Variants in LDLRAD3 observed in about 807,000 individuals in gnomAD.
LDLRAD3 encodes low density lipoprotein receptor class A domain containing 3.
In LDLRAD3, 20 loss-of-function variants were observed where a neutral mutation model predicts 29.4. The ratio of observed to expected loss-of-function variants is 0.68; its 90% confidence interval spans 0.48 to 0.99. LDLRAD3 has a LOEUF of 0.99. Ranked by LOEUF, LDLRAD3 falls within the 50% of genes least tolerant of loss-of-function variation. The probability of loss-of-function intolerance (pLI) is 0.00; values close to 1 mark genes in which losing one functional copy is unlikely to be tolerated. For synonymous variants in LDLRAD3, 157 were observed against 192.7 expected (o/e 0.81, Z 1.53); for missense variants, 420 against 454.3 (o/e 0.92, Z 0.69).
chr11:36,180,437 G>GTA (rs1854742504), intron 4 of LDLRAD3, among the ~76,000 whole-genome samples: 1 of 152,160 alleles, frequency 6.6e-6, no homozygotes, highest in Non-Finnish European at 1.5e-5. Flanking sequence ...CTTCATGGAC[G>GTA]TATAGTCTAG....
chr11:36,230,115 TAGGC>T lies in LDLRAD3; in HGVS notation c.*722_*725del, dbSNP rs1855556261. On this transcript the variant is annotated 3_prime_UTR_variant, in exon 6 of 6. Coordinates refer to ENST00000315571, the MANE Select transcript of LDLRAD3 (RefSeq NM_174902.4). ...ATATATCATCAGCCTCATCCTAAAA[TAGGC>T]AGGGAGCCCCTCCCATGAGTTTATC... 6.6e-6 allele frequency: 1 copy of T among 152,230 alleles called. No homozygotes were observed. The highest frequency in any genetic ancestry group is 2.4e-5 in the African/African-American group (1 of 41,434). 9.4% of individuals were successfully genotyped at this position (152,230 alleles called of 1,614,324 possible).
At chr11:36,088,891 T>G (rs1351430005) in intron 3 of LDLRAD3, among the ~76,000 whole-genome samples, 1 of 152,188 alleles carries the variant, frequency 6.6e-6, no homozygotes, top group African/African-American at 2.4e-5. Context: ...CAGAGAGGCC[T>G]TCCATGACCA....
chr11:36,083,366 C>T (rs1044526128), intron 3 of LDLRAD3, among the ~76,000 whole-genome samples: 2 of 152,050 alleles, frequency 1.3e-5, no homozygotes, highest in Non-Finnish European at 2.9e-5. Context: ...TTTTTCTTCT[C>T]ATTATTGTAA....
intron 1 of LDLRAD3, among the ~76,000 whole-genome samples, chr11:36,007,611 G>A (rs1417390074): frequency 6.6e-6 from 1 of 152,228 alleles, no homozygotes; most frequent in African/African-American, 2.4e-5. Context: ...GTCCTCCTCA[G>A]CCAGCACTCT....
intron 4 of LDLRAD3, among the ~76,000 whole-genome samples, chr11:36,210,397 C>T (rs970504130): frequency 2.0e-5 from 3 of 152,114 alleles, no homozygotes; most frequent in African/African-American, 7.2e-5. Context: ...AAATGCTTGT[C>T]TGAGCTCTCC....
intron 2 of LDLRAD3, among the ~76,000 whole-genome samples, chr11:36,067,712 C>G (rs1228483362): frequency 1.3e-5 from 2 of 152,166 alleles, no homozygotes; most frequent in Non-Finnish European, 2.9e-5. Flanking sequence ...GCTCTGTCAC[C>G]CACGCTAGAG....
chr11:36,065,801 G>T (rs1338300974), intron 2 of LDLRAD3, among the ~76,000 whole-genome samples: 1 of 152,164 alleles, frequency 6.6e-6, no homozygotes, highest in African/African-American at 2.4e-5. Flanking sequence ...CTTTGCAGGT[G>T]TTTTGAGACA....
Position 36,019,570 on chromosome 11 carries a change from C to T in LDLRAD3, c.47-16533C>T, listed in dbSNP as rs891349968. 4.6e-5 allele frequency among the ~76,000 whole-genome samples: 7 copies of T among 152,104 alleles called. No individual in the cohort carries two copies. The South Asian group carries it at 8.3e-4, about 18-fold the overall frequency. On this transcript the variant is annotated intron_variant, in intron 1 of 5. Transcript: ENST00000315571. Reference sequence around the variant, plus strand: ...GCCTGGGTCCCAGCACTTCAGTGGCCGTTGATAACAGAGGCAAGCTTTCGA... The same window carrying T: ...GCCTGGGTCCCAGCACTTCAGTGGCTGTTGATAACAGAGGCAAGCTTTCGA...
At chr11:36,205,377 C>T (rs1485415273) in intron 4 of LDLRAD3, among the ~76,000 whole-genome samples, 2 of 152,168 alleles carry the variant, frequency 1.3e-5, no homozygotes, top group Non-Finnish European at 2.9e-5. Context: ...AGGAGTAGGA[C>T]AGTCACCGGC....
chr11:35,995,725 T>A (rs1272501325), intron 1 of LDLRAD3, among the ~76,000 whole-genome samples: 1 of 152,258 alleles, frequency 6.6e-6, no homozygotes, highest in Non-Finnish European at 1.5e-5. Context: ...ATCTTAGCTA[T>A]CTAGATCTTT....
intron 2 of LDLRAD3, among the ~76,000 whole-genome samples, chr11:36,063,479 G>A (rs1852737867): frequency 6.6e-6 from 1 of 152,114 alleles, no homozygotes; most frequent in Non-Finnish European, 1.5e-5. Flanking sequence ...GCCTATTCTG[G>A]ACATTTCATA....
At chr11:36,135,163 A>G (rs1853986082) in intron 4 of LDLRAD3, among the ~76,000 whole-genome samples, 1 of 152,204 alleles carries the variant, frequency 6.6e-6, no homozygotes, top group Admixed American at 6.5e-5. Flanking sequence ...ACTTTTCTGT[A>G]TAAATCATTT....
At chr11:36,177,707 G>C (rs1854700135) in intron 4 of LDLRAD3, among the ~76,000 whole-genome samples, 1 of 152,188 alleles carries the variant, frequency 6.6e-6, no homozygotes. Flanking sequence ...GTGGATACCA[G>C]CACCTGCTCA....
intron 3 of LDLRAD3, among the ~76,000 whole-genome samples, chr11:36,094,441 C>T (rs1853328793): frequency 2.0e-5 from 3 of 152,252 alleles, no homozygotes; most frequent in East Asian, 1.9e-4. Context: ...ACAATATTTA[C>T]TATCCGGCCC....
In LDLRAD3 at chr11:36,186,735, G is replaced by A. The variant is rs118181666; in HGVS notation, c.455-40350G>A. 6.2e-3 allele frequency among the ~76,000 whole-genome samples: 941 copies of A among 152,290 alleles called. 7 individuals carry two copies. Among genetic ancestry groups the A allele is most frequent in the Non-Finnish European group, 0.011 (740 of 68,020 alleles). On this transcript the variant is annotated intron_variant, in intron 4 of 5. Transcript: ENST00000315571. ...TCACCACCTATTCCTGTGACTGATC[G>A]TGGCTGAGTGAGCTCATCTCCTACA...
intron 1 of LDLRAD3, among the ~76,000 whole-genome samples, chr11:36,032,404 T>TA (rs376991676): frequency 3.9e-4 from 60 of 152,316 alleles, no homozygotes; most frequent in African/African-American, 1.4e-3. Flanking sequence ...GCCAGAGTTT[T>TA]AGATTTATTC....
At chr11:36,216,354 A>G (rs1477360671) in intron 4 of LDLRAD3, among the ~76,000 whole-genome samples, 2 of 152,238 alleles carry the variant, frequency 1.3e-5, no homozygotes, top group Non-Finnish European at 2.9e-5. Context: ...ACTGAGGTTG[A>G]GGAAATAATC....
intron 1 of LDLRAD3, among the ~76,000 whole-genome samples, chr11:35,951,724 A>G (rs941191103): frequency 2.6e-5 from 4 of 152,208 alleles, no homozygotes; most frequent in African/African-American, 4.8e-5. Flanking sequence ...TTTCATTTCA[A>G]TGCCACATTT....
At chr11:36,089,491 G>A (rs1052711080) in intron 3 of LDLRAD3, among the ~76,000 whole-genome samples, 9 of 151,088 alleles carry the variant, frequency 6.0e-5, no homozygotes, top group East Asian at 3.9e-4. Flanking sequence ...GCAGTGGCAC[G>A]ATCTCGGCTA....
Sources: allele counts gnomAD v4.1 joint callset (sites outside exome capture counted in the v4.1 genomes callset), GRCh38; gene constraint gnomAD v4.1.1; transcripts MANE v1.5; gene names NCBI Gene and HGNC (gene_info 2026-07-23, HGNC 2026-07-21).